C13orf46: variants seen among roughly 807,000 people sequenced by gnomAD.
C13orf46 encodes the protein chromosome 13 open reading frame 46.
chr13:113,965,433 C>T (rs1260065739), intron 5 of C13orf46, among the ~76,000 whole-genome samples: 1 of 152,248 alleles, frequency 6.6e-6, no homozygotes, highest in Non-Finnish European at 1.5e-5. Context: ...CTGTTCACTA[C>T]AGCAAAGACA....
chr13:113,950,229 C>T (rs1448081856), downstream of C13orf46, among the ~76,000 whole-genome samples: 3 of 138,700 alleles, frequency 2.2e-5, 1 homozygote, highest in African/African-American at 8.3e-5. Context: ...CTCGGTGCTC[C>T]CATCTGTAGA....
chr13:113,931,131 G>A, the C13orf46 span, among the ~76,000 whole-genome samples: 10 of 152,220 alleles, frequency 6.6e-5, no homozygotes, highest in African/African-American at 2.2e-4. Flanking sequence ...CACCACCCAG[G>A]CCGAGACGCC....
rs1033523737 is a variant in C13orf46, at chr13:113,956,178, A to G, written c.*595T>C. On this transcript the variant is annotated 3_prime_UTR_variant, in exon 7 of 7. Coordinates refer to ENST00000636427, the MANE Select transcript of C13orf46 (RefSeq NM_001365455.2). ...AAGAGGAGGAGCATCCGGCGGAGAC[A>G]AGGAGCATCCGGTGGAGACGAGGAG... 93,647 of 145,370 alleles carry G rather than the reference A, an allele frequency of 0.64. 29,919 individuals carry two copies. The highest frequency in any genetic ancestry group is 0.71 in the Non-Finnish European group (48,364 of 67,998). 9.0% of individuals were successfully genotyped at this position (145,370 alleles called of 1,614,324 possible).
At chr13:113,942,850 C>G in the C13orf46 span, among the ~76,000 whole-genome samples, 1 of 152,218 alleles carries the variant, frequency 6.6e-6, no homozygotes, top group Non-Finnish European at 1.5e-5. Flanking sequence ...CTTGGACTCC[C>G]TGATGCCTCT....
chr13:113,949,811 T>C (rs905450684), downstream of C13orf46, among the ~76,000 whole-genome samples: 14 of 150,870 alleles, frequency 9.3e-5, no homozygotes, highest in African/African-American at 3.2e-4. Flanking sequence ...CATCGCCCCC[T>C]GCCTTGGGGA....
At chr13:113,941,897 C>T in the C13orf46 span, among the ~76,000 whole-genome samples, 465 of 152,390 alleles carry the variant, frequency 3.1e-3, 3 homozygotes, top group Admixed American at 4.8e-3. Context: ...CTTCCTCTCC[C>T]CTTAGCACTT....
intron 1 of C13orf46, among the ~76,000 whole-genome samples, chr13:113,971,126 A>G (rs2052700345): frequency 6.6e-6 from 1 of 152,206 alleles, no homozygotes; most frequent in Admixed American, 6.5e-5. Flanking sequence ...CAGGGCCTCC[A>G]GCCGCATCGG....
the C13orf46 span, among the ~76,000 whole-genome samples, chr13:113,938,842 C>G: frequency 6.6e-6 from 1 of 152,184 alleles, no homozygotes; most frequent in South Asian, 2.1e-4. Context: ...TCCTTCCAAA[C>G]AGCCTTCACT....
chr13:113,951,366 G>A (rs954955028), downstream of C13orf46, among the ~76,000 whole-genome samples: 2 of 152,190 alleles, frequency 1.3e-5, no homozygotes, highest in Admixed American at 6.5e-5. Flanking sequence ...GGAGCCGGGC[G>A]GGGCCTTTGC....
the C13orf46 span, among the ~76,000 whole-genome samples, chr13:113,946,441 C>T: frequency 6.6e-6 from 1 of 152,212 alleles, no homozygotes; most frequent in Non-Finnish European, 1.5e-5. Context: ...CACAGGAATG[C>T]CAGCCACACA....
chr13:113,958,939 T>A (rs2052565045), intron 6 of C13orf46, among the ~76,000 whole-genome samples: 1 of 152,062 alleles, frequency 6.6e-6, no homozygotes, highest in Non-Finnish European at 1.5e-5. Flanking sequence ...CAGCCCTGAG[T>A]TTTGGAGACT....
At chr13:113,927,328 G>A in the C13orf46 span, 1 of 389,280 alleles carries the variant, frequency 2.6e-6, no homozygotes, top group Non-Finnish European at 4.5e-6. Context: ...GCTGCCACCA[G>A]GCCTGTGAGG....
the C13orf46 span, among the ~76,000 whole-genome samples, chr13:113,941,452 C>T: frequency 1.4e-5 from 2 of 139,762 alleles, no homozygotes; most frequent in East Asian, 2.2e-4. Context: ...TGAGGCTGAG[C>T]GTTCGAGATC....
At chr13:113,973,401 C>T (rs548575879) in intron 1 of C13orf46, among the ~76,000 whole-genome samples, 67 of 152,270 alleles carry the variant, frequency 4.4e-4, no homozygotes, top group Non-Finnish European at 7.8e-4. Context: ...ACCGCAGTCA[C>T]GGAGCCGGAC....
the C13orf46 span, among the ~76,000 whole-genome samples, chr13:113,947,657 C>T: frequency 6.6e-6 from 1 of 152,198 alleles, no homozygotes; most frequent in Non-Finnish European, 1.5e-5. Flanking sequence ...TGTGCAGCTT[C>T]TGCGGCCCCG....
the C13orf46 span, chr13:113,927,565 C>T: frequency 5.0e-6 from 2 of 398,560 alleles, no homozygotes; most frequent in African/African-American, 2.1e-5. Flanking sequence ...CCCAACTACA[C>T]TGATGGAGCG....
At chr13:113,934,101 A>G in the C13orf46 span, among the ~76,000 whole-genome samples, 1 of 152,070 alleles carries the variant, frequency 6.6e-6, no homozygotes, top group East Asian at 1.9e-4. Context: ...GGCGTCACTC[A>G]TCCTTTCAAG....
At chr13:113,962,910 C>G (rs1342620690) in intron 6 of C13orf46, among the ~76,000 whole-genome samples, 3 of 152,200 alleles carry the variant, frequency 2.0e-5, no homozygotes, top group Admixed American at 1.3e-4. Flanking sequence ...CTAGTGAAAG[C>G]TGGTGTGACC....
At chr13:113,950,250 C>T (rs1417108063), downstream of C13orf46, among the ~76,000 whole-genome samples, 28 of 140,060 alleles carry the variant, frequency 2.0e-4, no homozygotes, top group Admixed American at 9.3e-4. Flanking sequence ...GTGGGGTCCT[C>T]GCCCCCTGCC....
Sources: allele counts gnomAD v4.1 joint callset (sites outside exome capture counted in the v4.1 genomes callset), GRCh38; gene constraint gnomAD v4.1.1; transcripts MANE v1.5; gene names NCBI Gene and HGNC (gene_info 2026-07-23, HGNC 2026-07-21).